The following SPEF2 variants were observed in gnomAD, a reference collection of about 807,000 sequenced individuals.
The protein encoded by SPEF2 is sperm flagellar and cilia associated 2.
SPEF2 carries 187 observed loss-of-function variants against 224.6 expected under a neutral mutation model. That is an observed-to-expected ratio of 0.83 (90% confidence interval 0.74 to 0.94). The LOEUF is 0.94. SPEF2 is among the 40% of genes least tolerant of loss of function. The pLI, the probability that SPEF2 is intolerant of heterozygous loss-of-function variation, is 0.00. For synonymous variants in SPEF2, 715 were observed against 707.3 expected, an observed-to-expected ratio of 1.01 and a Z score of -0.17; for missense variants, 2,170 against 2,135.6, an observed-to-expected ratio of 1.02 and a Z score of -0.32.
intron 2 of SPEF2, among the ~76,000 whole-genome samples, chr5:35,634,166 G>A (rs750157107): frequency 2.4e-4 from 37 of 151,968 alleles, no homozygotes; most frequent in Non-Finnish European, 4.0e-4. Context: ...CTTTCATTTA[G>A]GACTTAAAGA....
At chr5:35,782,843 TTATGATGATTC>T (rs1164426181) in intron 30 of SPEF2, among the ~76,000 whole-genome samples, 1 of 152,198 alleles carries the variant, frequency 6.6e-6, no homozygotes, top group African/African-American at 2.4e-5. Flanking sequence ...ATTCTGCCAC[TTATGATGATTC>T]TACCTCTCTT....
Position 35,814,407 on chromosome 5 carries a change from T to C in SPEF2, c.5380-57T>C, listed in dbSNP as rs1045663935. 10 of 974,254 alleles carry C rather than the reference T, an allele frequency of 1.0e-5. No individual in the cohort carries two copies. The East Asian group carries it at 1.2e-4, about 12-fold the overall frequency. 60.4% of individuals were successfully genotyped at this position (974,254 alleles called of 1,614,324 possible). On this transcript the variant is annotated intron_variant, in intron 36 of 36. Coordinates refer to ENST00000356031, the MANE Select transcript of SPEF2 (RefSeq NM_024867.4). ...ATCATTTATTAGTATTTGTATAGTATAGTATTGATCATCCTTTATTAGTAT... is the reference window on the plus strand; with the variant it reads ...ATCATTTATTAGTATTTGTATAGTACAGTATTGATCATCCTTTATTAGTAT...
chr5:35,644,569 T>C (rs1254894839), intron 4 of SPEF2, 44 bp downstream of exon 4: 1 of 1,474,034 alleles, frequency 6.8e-7, no homozygotes, highest in Non-Finnish European at 9.1e-7. Context: ...GTGCATAGTA[T>C]ACAGTTTGTG....
chr5:35,710,416 G>A, intron 19 of SPEF2: 1 of 510,800 alleles, frequency 2.0e-6, no homozygotes, highest in Non-Finnish European at 2.5e-6. Flanking sequence ...AATTAGCTGG[G>A]CGTGGTGGCA....
intron 24 of SPEF2, among the ~76,000 whole-genome samples, chr5:35,754,627 T>C (rs1253956786): frequency 1.3e-5 from 2 of 152,210 alleles, no homozygotes; most frequent in Non-Finnish European, 2.9e-5. Context: ...CATTCTTTCC[T>C]GGGTTGTACA....
intron 9 of SPEF2, among the ~76,000 whole-genome samples, chr5:35,668,432 T>C (rs1256977386): frequency 1.3e-5 from 2 of 152,170 alleles, no homozygotes; most frequent in Non-Finnish European, 2.9e-5. Flanking sequence ...ATTTCATTTA[T>C]ATAACATTCT....
At chr5:35,751,963 A>C (rs1009906649) in intron 23 of SPEF2, among the ~76,000 whole-genome samples, 2 of 152,172 alleles carry the variant, frequency 1.3e-5, no homozygotes, top group African/African-American at 4.8e-5. Context: ...ATTTTTCCAC[A>C]GATATTGGTG....
intron 1 of SPEF2, among the ~76,000 whole-genome samples, chr5:35,626,644 A>G (rs1401434204): frequency 6.6e-6 from 1 of 152,208 alleles, no homozygotes; most frequent in Admixed American, 6.5e-5. Flanking sequence ...CTAATTCTAG[A>G]CAGTTCAAGA....
intron 18 of SPEF2, 139 bp downstream of exon 18, chr5:35,705,947 C>A: frequency 2.1e-6 from 1 of 473,872 alleles, no homozygotes; most frequent in Non-Finnish European, 3.5e-6. Context: ...TATTCTGCCT[C>A]TGGCTTTAGC....
rs1417086709 is a variant in SPEF2 at position 35,704,560 on chromosome 5, A to C, written c.2405A>C (p.Glu802Ala). 2.5e-6 allele frequency: 4 copies of C among 1,605,444 alleles called. No homozygotes were observed. Among genetic ancestry groups the C allele is most frequent in the African/African-American group, 1.3e-5 (1 of 74,446 alleles). ...AATAAATTTTATACCATAGCTGAAG[A>C]ATTGTCCTATAAAACTGCTCACGAA... Reference protein sequence around the residue: ...MSRMNDIIAEELSYKTAHEDI... With the variant: ...MSRMNDIIAEALSYKTAHEDI... Residue 802 changes from glutamate to alanine, a missense_variant, in exon 17 of 37, where the codon GAA becomes GCA. Transcript: ENST00000356031.
At chr5:35,813,547 A>G (rs750783531) in intron 36 of SPEF2, among the ~76,000 whole-genome samples, 31 of 152,330 alleles carry the variant, frequency 2.0e-4, no homozygotes, top group Middle Eastern at 6.8e-3. Flanking sequence ...AGAAAAGTCA[A>G]TGGGGAGCAG....
intron 26 of SPEF2, among the ~76,000 whole-genome samples, chr5:35,769,056 G>A (rs1401840062): frequency 1.3e-5 from 2 of 152,148 alleles, no homozygotes; most frequent in African/African-American, 4.8e-5. Flanking sequence ...TTATAAGCTA[G>A]ATTGCTGAAT....
At chr5:35,797,728 G>T (rs547865917) in intron 33 of SPEF2, among the ~76,000 whole-genome samples, 1 of 152,084 alleles carries the variant, frequency 6.6e-6, no homozygotes, top group Non-Finnish European at 1.5e-5. Context: ...AAGATAAAAC[G>T]TCAAACAACA....
At chr5:35,662,929 C>A (rs1378551482) in intron 8 of SPEF2, among the ~76,000 whole-genome samples, 2 of 152,088 alleles carry the variant, frequency 1.3e-5, no homozygotes, top group African/African-American at 4.8e-5. Flanking sequence ...GAGGAGATGG[C>A]ACATTCTAAA....
chr5:35,747,140 C>A (rs896744514), intron 23 of SPEF2, among the ~76,000 whole-genome samples: 8 of 152,084 alleles, frequency 5.3e-5, no homozygotes, highest in Non-Finnish European at 7.4e-5. Context: ...TTGCCATTAC[C>A]AAGCCACCAC....
At chr5:35,693,802 T>C (rs1754882028) in intron 12 of SPEF2, among the ~76,000 whole-genome samples, 1 of 152,260 alleles carries the variant, frequency 6.6e-6, no homozygotes, top group South Asian at 2.1e-4. Context: ...TAACAATTGA[T>C]TCTGAAAATA....
chr5:35,674,334 CTTCTT>C (rs1751578424), intron 10 of SPEF2, among the ~76,000 whole-genome samples: 1 of 65,004 alleles, frequency 1.5e-5, no homozygotes, highest in African/African-American at 6.3e-5. Context: ...CTCTTTTCGT[CTTCTT>C]TTTTTTTTTT....
intron 30 of SPEF2, among the ~76,000 whole-genome samples, chr5:35,781,026 T>G (rs977170076): frequency 6.6e-6 from 1 of 152,018 alleles, no homozygotes; most frequent in Non-Finnish European, 1.5e-5. Context: ...TCTCAGAAGA[T>G]TAACTCTAGA....
chr5:35,738,461 T>G (rs1207400577), intron 21 of SPEF2, among the ~76,000 whole-genome samples: 1 of 151,580 alleles, frequency 6.6e-6, no homozygotes, highest in Non-Finnish European at 1.5e-5. Context: ...CACCATTTAT[T>G]AAATAGGGAA....
Sources: allele counts gnomAD v4.1 joint callset (sites outside exome capture counted in the v4.1 genomes callset), GRCh38; gene constraint gnomAD v4.1.1; transcripts MANE v1.5; gene names NCBI Gene and HGNC (gene_info 2026-07-23, HGNC 2026-07-21).